Variants in PEX6 observed in about 807,000 individuals in gnomAD.
The protein encoded by PEX6 is peroxisomal biogenesis factor 6.
A neutral mutation model predicts 85.6 loss-of-function variants in PEX6; 55 were observed. That is an observed-to-expected ratio of 0.64 (90% CI 0.52 to 0.80). The LOEUF is 0.80. Ranked by LOEUF, PEX6 falls within the 30% of genes least tolerant of loss-of-function variation. The pLI, the probability that PEX6 is intolerant of heterozygous loss-of-function variation, is 0.00. For synonymous variants in PEX6, 519 were observed against 549.1 expected (o/e 0.95, Z 0.77); for missense variants, 1,099 against 1,260.3 (o/e 0.87, Z 1.94).
chr6:42,978,314 A>G lies in PEX6; in HGVS notation c.837T>C (p.Phe279=). 1 of 1,614,238 alleles carries G rather than the reference A, an allele frequency of 6.2e-7. No individual in the cohort carries two copies. The highest frequency in any genetic ancestry group is 8.5e-7 in the Non-Finnish European group (1 of 1,180,040). The change falls in exon 1 of 17, where the codon TTT becomes TTC. Residue 279 remains phenylalanine, a synonymous_variant. Transcript: ENST00000304611. ...GLALVPATLA[F]NLGCDPLEMG... ...TTTCCAGGGGGTCACAGCCAAGATT[A>G]AAAGCCAAAGTGGCAGGGACAAGCG...
chr6:42,978,184 G>A (rs1025524113), intron 1 of PEX6, 85 bp downstream of exon 1: 9 of 1,477,230 alleles, frequency 6.1e-6, no homozygotes, highest in African/African-American at 1.4e-5. Flanking sequence ...TATGGGGCAC[G>A]AGTCCTAAAT....
Position 42,978,872 on chromosome 6 carries a change from C to T in PEX6, c.279G>A (p.Arg93=), listed in dbSNP as rs2150240420. ...LLALGSGAWV[R]ARAVRRPPAL... ...CCGGGGGCCGCCGCACCGCCCGCGC[C>T]CGCACCCAGGCCCCGGAGCCCAGTG... Residue 93 remains arginine (R), a synonymous_variant, in exon 1 of 17, where the codon CGG becomes CGA. Transcript: ENST00000304611. 10 of 1,492,582 alleles carry T rather than the reference C, an allele frequency of 6.7e-6. No homozygotes were observed. Among genetic ancestry groups the T allele is most frequent in the Non-Finnish European group, 8.0e-6 (9 of 1,130,472 alleles). The allele number at this position is 1,492,582 out of a possible 1,614,324, so 92.5% of individuals were successfully genotyped here.
rs1048324413 is a variant in PEX6 at position 42,966,377 on chromosome 6, T to A, written c.2165A>T (p.Gln722Leu). 1 of 1,614,066 alleles carries A rather than the reference T, an allele frequency of 6.2e-7. No individual in the cohort carries two copies. Among genetic ancestry groups the A allele is most frequent in the South Asian group, 1.1e-5 (1 of 91,086 alleles). The stretch of plus-strand genomic sequence containing the variant: ...TAGCTCAGGGTGCTCCAGGGGGAGC[T>A]GAATGGTCTCCAGGATCTCCTTCTT... ...EVKKEILETI[Q>L]LPLEHPELLS... The change falls in exon 11 of 17, where the codon CAG becomes CTG. Residue 722 changes from glutamine to leucine, a missense_variant. Gln to Leu is a moderately radical substitution (Grantham distance 113, BLOSUM62 -2). Transcript: ENST00000304611.
chr6:42,969,680 C>A lies in PEX6; in HGVS notation c.1355G>T (p.Arg452Leu). 1.9e-6 allele frequency: 3 copies of A among 1,612,672 alleles called. No individual in the cohort carries two copies. The highest frequency in any genetic ancestry group is 2.5e-6 in the Non-Finnish European group (3 of 1,179,970). ...VSELCAVLKP[R>L]LQPGGALLTG... ...TGACCTCACTCACCCTGGCTGGAGG[C>A]GAGGCTTCAGGACAGCACAGAGTTC... The change falls in exon 5 of 17, where the codon CGC becomes CTC. Residue 452 changes from arginine to leucine, a missense_variant. By Grantham distance (102) the Arg-to-Leu change is moderately radical. Transcript: ENST00000304611.
rs574992693 is a variant in PEX6 at position 42,975,385 on chromosome 6, C to A, written c.883-347G>T. On this transcript the variant is annotated intron_variant, in intron 1 of 16. Transcript: ENST00000304611. ...TCCACAGGGATTAACATTAAGTGGT[C>A]ATTAGTGGGGAAACTGAATTCAGGC... Among the ~76,000 whole-genome samples the A allele has an allele frequency of 2.6e-5, 4 of 152,282 alleles. No individual in the cohort carries two copies. The East Asian group carries it at 7.7e-4, about 29-fold the overall frequency.
chr6:42,969,565 C>T, intron 5 of PEX6, 103 bp downstream of exon 5: 1 of 1,447,490 alleles, frequency 6.9e-7, no homozygotes, highest in Non-Finnish European at 9.7e-7. Context: ...TCCTCCCAAT[C>T]CCACTCTGGC....
intron 3 of PEX6, among the ~76,000 whole-genome samples, chr6:42,973,801 C>A (rs545296056): frequency 6.6e-6 from 1 of 152,256 alleles, no homozygotes; most frequent in African/African-American, 2.4e-5. Flanking sequence ...GAGGTAGAGG[C>A]TGCAGTGAGC....
At position 42,978,918 on chromosome 6, in the gene PEX6, C is replaced by T; in HGVS notation, c.233G>A (p.Arg78His). The T allele has an allele frequency of 8.1e-6, 12 of 1,488,226 alleles. No individual in the cohort carries two copies. Among genetic ancestry groups the T allele is most frequent in the Non-Finnish European group, 1.1e-5 (12 of 1,127,592 alleles). The allele number at this position is 1,488,226 out of a possible 1,614,324, so 92.2% of individuals were successfully genotyped here. A position where few individuals can be genotyped will look rare whatever the true frequency, so the allele number is the denominator to read the frequency against. The change falls in exon 1 of 17, where the codon CGC becomes CAC. Residue 78 changes from arginine (R) to histidine (H), a missense_variant. This residue lies in a region of PEX6 where 579 missense variants were observed against 611.6 expected (regional missense o/e 0.95). Transcript: ENST00000304611. ...CAGTGCCAGGAGCCGCAGCAGCGCG[C>T]GGCTAACCAGTAGCTGCGGCGGCCC... ...GPGPPQLLVSRALLRLLALGS... is the reference protein window; with the variant it reads ...GPGPPQLLVSHALLRLLALGS...
In PEX6 at chr6:42,969,897, G is replaced by A. The variant is rs1437814393; in HGVS notation, c.1221C>T (p.Thr407=). The A allele has an allele frequency of 1.9e-6, 3 of 1,614,038 alleles. No homozygotes were observed. Among genetic ancestry groups the A allele is most frequent in the Non-Finnish European group, 2.5e-6 (3 of 1,179,978 alleles). The change falls in exon 4 of 17, where the codon ACC becomes ACT. Residue 407 remains threonine (T), a synonymous_variant. Transcript: ENST00000304611. ...ASAYLADTTH[T]SLYMVGSTLS... Reference sequence around the variant, plus strand: ...CTTGGGGCCTCACCATGTACAAGGAGGTATGGGTGGTGTCGGCCAAGTAGG... The same window carrying A: ...CTTGGGGCCTCACCATGTACAAGGAAGTATGGGTGGTGTCGGCCAAGTAGG...
Position 42,965,171 on chromosome 6 carries a change from G to T in PEX6, c.2589-19C>A, listed in dbSNP as rs1291287621. ...GTCAAATCTTTAGGGAGATAGGCAGGTATAAGTTTCAGGGAGCCCAGCCAT... is the reference window on the plus strand; with the variant it reads ...GTCAAATCTTTAGGGAGATAGGCAGTTATAAGTTTCAGGGAGCCCAGCCAT... On this transcript the variant is annotated intron_variant, in intron 14 of 16. Transcript: ENST00000304611. This position sits in a 1 kb window ranked among gnomAD's most constrained non-coding sequence, Gnocchi z 5.0. 1 of 1,613,760 alleles carries T rather than the reference G, an allele frequency of 6.2e-7. No homozygotes were observed. Among genetic ancestry groups the T allele is most frequent in the East Asian group, 2.2e-5 (1 of 44,880 alleles).
chr6:42,964,464 C>T lies in PEX6; in HGVS notation c.2814G>A (p.Glu938=), dbSNP rs1129186. The T allele has an allele frequency of 0.52, 844,833 of 1,612,222 alleles. 227,508 individuals are homozygous for T. Among genetic ancestry groups the T allele is most frequent in the African/African-American group, 0.73 (55,062 of 74,926 alleles). Residue 938 remains glutamate (E), a synonymous_variant, in exon 17 of 17, where the codon GAG becomes GAA. Coordinates refer to ENST00000304611, the MANE Select transcript of PEX6 (RefSeq NM_000287.4). The surrounding 1 kb of genome is among the most constrained non-coding windows in gnomAD (Gnocchi z 4.6). The part of the protein sequence containing the change: ...RRVHDLEEGL[E]PGSSALMLTM... ...TGAGCATCAGTGCTGAGCTACCTGG[C>T]TCCAGCCCTGGAGATGACAAGGTGG...
Position 42,968,257 on chromosome 6 carries a change from C to T in PEX6, c.1688+33G>A, listed in dbSNP as rs140074013. The T allele has an allele frequency of 2.1e-3, 3,297 of 1,594,554 alleles. 61 individuals carry two copies. In the African/African-American group the frequency reaches 0.038, roughly 18 times the overall value. On this transcript the variant is annotated intron_variant, in intron 7 of 16. Coordinates refer to ENST00000304611, the MANE Select transcript of PEX6 (RefSeq NM_000287.4). ...GAGCCACCGCGCCCAGCCGGCCCCC[C>T]CAGCTTTGAGAGGCCCAGCTCTGTA...
Position 42,967,528 on chromosome 6 carries a change from C to G in PEX6, c.1724G>C (p.Arg575Pro), listed in dbSNP as rs754034834. 7 of 1,606,110 alleles carry G rather than the reference C, an allele frequency of 4.4e-6. No individual in the cohort carries two copies. Among genetic ancestry groups the G allele is most frequent in the Middle Eastern group, 3.6e-4 (2 of 5,504 alleles). The change falls in exon 8 of 17, where the codon CGG (arginine) becomes CCG (proline). Residue 575 changes from arginine to proline, a missense_variant. Transcript: ENST00000304611. ...CACATCAGCAGGCAGGTCCTGGGCC[C>G]GGCTTGTGGTGGCCACAACCATGAG... ...PPLMVVATTSRAQDLPADVQT... is the reference protein window; with the variant it reads ...PPLMVVATTSPAQDLPADVQT...
chr6:42,974,446 TTTTTG>T (rs1770189328), intron 2 of PEX6, among the ~76,000 whole-genome samples: 1 of 55,056 alleles, frequency 1.8e-5, no homozygotes, highest in African/African-American at 1.4e-4. Flanking sequence ...TGAAATGTTT[TTTTTG>T]TTTTTTTTTT....
rs747654294 is a variant in PEX6, at chr6:42,964,794, C to T, written c.2802G>A (p.Glu934=). ...AALKRRVHDL[E]EGLEPGSSAL... ...TCAGACCGGCAAGTGGCTCACCTTCCTCCAGGTCATGAACCCTGCGTTTGA... is the reference window on the plus strand; with the variant it reads ...TCAGACCGGCAAGTGGCTCACCTTCTTCCAGGTCATGAACCCTGCGTTTGA... The change falls in exon 16 of 17, where the codon GAG becomes GAA. Residue 934 remains glutamate, a synonymous_variant. Coordinates refer to ENST00000304611, the MANE Select transcript of PEX6 (RefSeq NM_000287.4). The surrounding 1 kb of genome is among the most constrained non-coding windows in gnomAD (Gnocchi z 4.6). 3.7e-6 allele frequency: 6 copies of T among 1,613,934 alleles called. No homozygotes were observed. Among genetic ancestry groups the T allele is most frequent in the African/African-American group, 1.3e-5 (1 of 74,912 alleles).
chr6:42,977,301 G>A (rs1770340779), intron 1 of PEX6, among the ~76,000 whole-genome samples: 1 of 143,464 alleles, frequency 7.0e-6, no homozygotes, highest in East Asian at 2.0e-4. Flanking sequence ...CGTCCAGGCT[G>A]GAGTGCAGTG....
Position 42,978,550 on chromosome 6 carries a change from T to A in PEX6, c.601A>T (p.Thr201Ser), listed in dbSNP as rs1770411956. Residue 201 changes from threonine (T) to serine (S), a missense_variant, in exon 1 of 17, where the codon ACT (threonine) becomes TCT (serine). This residue lies in a region of PEX6 where 579 missense variants were observed against 611.6 expected (regional missense o/e 0.95). Coordinates refer to ENST00000304611, the MANE Select transcript of PEX6 (RefSeq NM_000287.4). ...CGGCTCACCCCTAGTGAATCTCCAG[T>A]CCCTCCCAGAACTCCCTGGAGTCGC... is the stretch of plus-strand genomic sequence containing the variant. ...VRRLQGVLGG[T>S]GDSLGVSRSC... 2.5e-6 allele frequency: 4 copies of A among 1,612,662 alleles called. No homozygotes were observed. The highest frequency in any genetic ancestry group is 2.2e-5 in the South Asian group (2 of 91,046).
At position 42,966,034 on chromosome 6, in the gene PEX6, G is replaced by T. The variant is rs755336114; in HGVS notation, c.2362+10C>A. ...AGCATGGGACGCCCTGCCCCTCCCT[G>T]CTCACTCACCTTCCCGCACATTCTC... On this transcript the variant is annotated intron_variant, in intron 12 of 16. Coordinates refer to ENST00000304611, the MANE Select transcript of PEX6 (RefSeq NM_000287.4). 9 of 1,613,262 alleles carry T rather than the reference G, an allele frequency of 5.6e-6. No homozygotes were observed. Among genetic ancestry groups the T allele is most frequent in the Non-Finnish European group, 7.6e-6 (9 of 1,179,870 alleles).
intron 3 of PEX6, among the ~76,000 whole-genome samples, chr6:42,970,639 G>T (rs3293): frequency 0.57 from 85,986 of 152,126 alleles, 25,720 homozygotes; most frequent in African/African-American, 0.75. Flanking sequence ...GTTCTGGAAT[G>T]AAACAGTGAT....
Sources: allele counts gnomAD v4.1 joint callset (sites outside exome capture counted in the v4.1 genomes callset), GRCh38; gene constraint gnomAD v4.1.1; regional missense constraint gnomAD v4.1.1; non-coding constraint Gnocchi (gnomAD v3.1); transcripts MANE v1.5; gene names NCBI Gene and HGNC (gene_info 2026-07-23, HGNC 2026-07-21).